Variants in ADAMTS19 observed in about 807,000 individuals in gnomAD.
ADAMTS19 encodes the protein A disintegrin and metalloproteinase with thrombospondin motifs 19.
A neutral mutation model predicts 153.3 loss-of-function variants in ADAMTS19; 93 were observed. That is an observed-to-expected ratio of 0.61 (90% CI 0.51 to 0.72). The LOEUF (loss-of-function observed/expected upper bound fraction) is 0.72, where lower values mean the gene tolerates loss of function less well. Ranked by LOEUF, ADAMTS19 falls within the 30% of genes least tolerant of loss-of-function variation. The pLI is 0.00. For synonymous variants in ADAMTS19, 600 were observed against 556.6 expected (o/e 1.08, Z -1.10); for missense variants, 1,482 against 1,552.1 (o/e 0.95, Z 0.76).
intron 7 of ADAMTS19, among the ~76,000 whole-genome samples, chr5:129,590,097 A>G (rs553890324): frequency 2.6e-5 from 4 of 152,276 alleles, no homozygotes; most frequent in Non-Finnish European, 5.9e-5. Context: ...AGTTAACAAC[A>G]GCATTTTCAG....
At chr5:129,712,078 T>C (rs1756506758) in intron 21 of ADAMTS19, among the ~76,000 whole-genome samples, 1 of 152,150 alleles carries the variant, frequency 6.6e-6, no homozygotes, top group South Asian at 2.1e-4. Context: ...GAATTATTCC[T>C]GAAATAGGTT....
chr5:129,505,979 A>C (rs113040301), intron 2 of ADAMTS19, among the ~76,000 whole-genome samples: 23 of 152,318 alleles, frequency 1.5e-4, no homozygotes, highest in Admixed American at 5.2e-4. Context: ...GCTAAAATTC[A>C]GAGGACGATA....
intron 6 of ADAMTS19, among the ~76,000 whole-genome samples, chr5:129,537,187 G>A (rs13157747): frequency 3.3e-5 from 5 of 151,838 alleles, no homozygotes; most frequent in African/African-American, 4.8e-5. Context: ...GCTCATCATC[G>A]CTGGCCATCA....
Position 129,645,885 on chromosome 5 carries a change from A to ATT in ADAMTS19, c.1873-1860_1873-1859dup, listed in dbSNP as rs529444004. Reference sequence around the variant, plus strand: ...CACATGGTTTCTTTCTCCTTTTCCAATTTTTTTTTTTTTTTTTTTTTGAGA... The same window carrying ATT: ...CACATGGTTTCTTTCTCCTTTTCCAATTTTTTTTTTTTTTTTTTTTTTTGAGA... On this transcript the variant is annotated intron_variant, in intron 11 of 22. Transcript: ENST00000274487. Among the ~76,000 whole-genome samples the ATT allele has an allele frequency of 1.3e-3, 127 of 97,102 alleles. 7 individuals are homozygous for ATT. The highest frequency in any genetic ancestry group is 6.7e-3 in the South Asian group (19 of 2,838). The allele number at this position is 97,102 out of a possible 152,430, so 63.7% of individuals were successfully genotyped here.
At chr5:129,672,335 T>A (rs1391756744) in intron 16 of ADAMTS19, among the ~76,000 whole-genome samples, 1 of 152,090 alleles carries the variant, frequency 6.6e-6, no homozygotes, top group Non-Finnish European at 1.5e-5. Flanking sequence ...CAATGTTTAA[T>A]CCTTAACACC....
At chr5:129,493,157 C>T (rs1238413049) in intron 2 of ADAMTS19, among the ~76,000 whole-genome samples, 1 of 152,092 alleles carries the variant, frequency 6.6e-6, no homozygotes, top group Non-Finnish European at 1.5e-5. Flanking sequence ...TCCCAGAGGG[C>T]ACTGATTTAA....
intron 10 of ADAMTS19, among the ~76,000 whole-genome samples, chr5:129,626,885 G>A (rs937291627): frequency 1.3e-5 from 2 of 152,084 alleles, no homozygotes; most frequent in Admixed American, 6.6e-5. Flanking sequence ...TACTACCAAG[G>A]TAGATGGTTA....
At chr5:129,576,338 TGTAGAAGTGACCTATGTGTGTACA>T (rs1754100404) in intron 7 of ADAMTS19, among the ~76,000 whole-genome samples, 1 of 152,100 alleles carries the variant, frequency 6.6e-6, no homozygotes, top group African/African-American at 2.4e-5. Flanking sequence ...TTGCCAAAGA[TGTAGAAGTGACCTATGTGTGTACA>T]CACACTTTTA....
In ADAMTS19 at chr5:129,622,235, CAG is replaced by C. The variant is rs1272201535; in HGVS notation, c.1660_1661del (p.Ser554CysfsTer18). The C allele has an allele frequency of 1.2e-6, 2 of 1,613,978 alleles. No individual in the cohort carries two copies. The highest frequency in any genetic ancestry group is 1.3e-5 in the African/African-American group (1 of 74,924). On this transcript the variant is annotated frameshift_variant, in exon 10 of 23. Coordinates refer to ENST00000274487, the MANE Select transcript of ADAMTS19 (RefSeq NM_133638.6). LOFTEE classifies it high-confidence loss of function. ...TAACTGCTTGCTACAAACAAATCCG[CAG>C]AGTGTCAATTCTGTGATGGTTCCCT... ...ASNCLLQTNP[Q>X]SVNSVMVPSK... is the part of the protein sequence containing the mutation.
rs1554098182 is a variant in ADAMTS19, at chr5:129,608,116, G to GTATATATATATATATATATATATATA, written c.1478+11476_1478+11477insTATATATATATATATATATATATATA. On this transcript the variant is annotated intron_variant, in intron 8 of 22. Coordinates refer to ENST00000274487, the MANE Select transcript of ADAMTS19 (RefSeq NM_133638.6). Reference sequence around the variant, plus strand: ...TGTGTGTGTGTGTGTGTGTGTGTGTGTATATATATATATATATATATATAA... The same window carrying GTATATATATATATATATATATATATA: ...TGTGTGTGTGTGTGTGTGTGTGTGTGTATATATATATATATATATATATATATATATATATATATATATATATATAA... Among the ~76,000 whole-genome samples, 72 of 47,914 alleles carry GTATATATATATATATATATATATATA rather than the reference G, an allele frequency of 1.5e-3. 2 individuals carry two copies. The highest frequency in any genetic ancestry group is 2.7e-3 in the African/African-American group (49 of 18,426). 31.4% of individuals were successfully genotyped at this position (47,914 alleles called of 152,430 possible).
At chr5:129,576,853 C>T (rs1415752997) in intron 7 of ADAMTS19, among the ~76,000 whole-genome samples, 1 of 152,138 alleles carries the variant, frequency 6.6e-6, no homozygotes, top group African/African-American at 2.4e-5. Flanking sequence ...AATTCATCTA[C>T]ACCACAATTT....
At chr5:129,535,687 C>T (rs982510705) in intron 6 of ADAMTS19, among the ~76,000 whole-genome samples, 2 of 152,176 alleles carry the variant, frequency 1.3e-5, no homozygotes, top group Non-Finnish European at 2.9e-5. Context: ...GTAACCAAAA[C>T]AGTATGGTAC....
chr5:129,574,288 T>C lies in ADAMTS19; in HGVS notation c.1373-22271T>C, dbSNP rs560199180. On this transcript the variant is annotated intron_variant, in intron 7 of 22. Transcript: ENST00000274487. ...AAGACAACTAACTTTTTTTTCGGCA[T>C]TTTTTTCTTTATTTCTTCTAAAAAT... is the stretch of plus-strand genomic sequence containing the variant. 1.4e-3 allele frequency among the ~76,000 whole-genome samples: 215 copies of C among 152,148 alleles called. 2 individuals carry two copies. Among genetic ancestry groups the C allele is most frequent in the African/African-American group, 5.0e-3 (209 of 41,524 alleles).
At chr5:129,723,517 C>G (rs1488459847) in intron 21 of ADAMTS19, among the ~76,000 whole-genome samples, 2 of 152,148 alleles carry the variant, frequency 1.3e-5, no homozygotes, top group African/African-American at 2.4e-5. Flanking sequence ...AACTATTTCT[C>G]TAATCATTTT....
At chr5:129,506,460 G>A (rs1751272778) in intron 2 of ADAMTS19, among the ~76,000 whole-genome samples, 1 of 151,354 alleles carries the variant, frequency 6.6e-6, no homozygotes, top group South Asian at 2.1e-4. Context: ...TATAGTTTAA[G>A]TTTTAGGGTA....
intron 6 of ADAMTS19, among the ~76,000 whole-genome samples, 185 bp from the exon 7 acceptor site, chr5:129,551,679 C>T (rs1342631938): frequency 6.6e-6 from 1 of 151,600 alleles, no homozygotes; most frequent in African/African-American, 2.4e-5. Flanking sequence ...ATATCATGTG[C>T]TATAAAATTT....
chr5:129,719,220 C>T (rs973149343), intron 21 of ADAMTS19, among the ~76,000 whole-genome samples: 5 of 152,108 alleles, frequency 3.3e-5, no homozygotes, highest in African/African-American at 1.2e-4. Context: ...TTTAACATGA[C>T]ATTTATAGGA....
intron 8 of ADAMTS19, among the ~76,000 whole-genome samples, chr5:129,600,751 A>G (rs1323496375): frequency 1.3e-5 from 2 of 152,170 alleles, no homozygotes; most frequent in Non-Finnish European, 2.9e-5. Flanking sequence ...TATATAAAAA[A>G]GTGTAAATTA....
intron 3 of ADAMTS19, among the ~76,000 whole-genome samples, chr5:129,522,454 G>A (rs1490155728): frequency 6.8e-6 from 1 of 148,006 alleles, no homozygotes; most frequent in African/African-American, 2.5e-5. Context: ...GATTCAGATG[G>A]CTAGTATTGT....
Sources: gnomAD v4.1 joint callset for allele counts (sites outside exome capture counted in the v4.1 genomes callset) on GRCh38, gnomAD v4.1.1 for gene constraint, MANE v1.5 for transcripts, NCBI Gene and HGNC (gene_info 2026-07-23, HGNC 2026-07-21) for gene names.